The following PHF24 variants were observed in gnomAD, a reference collection of about 807,000 sequenced individuals.
The protein encoded by PHF24 is PHD finger protein 24, also known as Galpha inhibitory interacting protein.
A neutral mutation model predicts 42.6 loss-of-function variants in PHF24; 25 were observed. The ratio of observed to expected loss-of-function variants is 0.59; its 90% CI spans 0.43 to 0.82. The LOEUF (loss-of-function observed/expected upper bound fraction) is 0.82, where lower values mean the gene tolerates loss of function less well. Among genes scored for constraint, PHF24 ranks in the 40% least tolerant of loss-of-function variants. The pLI, the probability that PHF24 is intolerant of heterozygous loss-of-function variation, is 0.00. For synonymous variants in PHF24, 185 were observed against 204.8 expected (o/e 0.90, Z 0.83); for missense variants, 470 against 538.1 (o/e 0.87, Z 1.25).
At chr9:34,864,289 G>A in the PHF24 span, among the ~76,000 whole-genome samples, 7 of 152,148 alleles carry the variant, frequency 4.6e-5, no homozygotes, top group Non-Finnish European at 8.8e-5. Flanking sequence ...CGATATCTAA[G>A]TACAAGAAGG....
chr9:34,930,101 A>G, the PHF24 span, among the ~76,000 whole-genome samples: 1 of 152,174 alleles, frequency 6.6e-6, no homozygotes, highest in Non-Finnish European at 1.5e-5. Flanking sequence ...TAAAATAGAG[A>G]AGAAAAATTG....
the PHF24 span, among the ~76,000 whole-genome samples, chr9:34,844,071 ATTTG>A: frequency 2.0e-5 from 3 of 151,846 alleles, no homozygotes; most frequent in Non-Finnish European, 4.4e-5. Flanking sequence ...AGGTTATTTA[ATTTG>A]TTTGTGAATA....
the PHF24 span, chr9:34,724,253 G>A: frequency 1.9e-6 from 3 of 1,551,532 alleles, no homozygotes; most frequent in South Asian, 1.2e-5. Flanking sequence ...ACTGGGCTGT[G>A]AGATCTTGGA....
chr9:34,706,495 G>T, the PHF24 span, among the ~76,000 whole-genome samples: 14 of 152,298 alleles, frequency 9.2e-5, no homozygotes, highest in East Asian at 2.5e-3. Context: ...AACTGTGAGT[G>T]TGTATTATGT....
the PHF24 span, among the ~76,000 whole-genome samples, chr9:34,773,366 G>A: frequency 6.6e-6 from 1 of 151,934 alleles, no homozygotes; most frequent in Non-Finnish European, 1.5e-5. Context: ...TTTAGGACTG[G>A]GTCAGAAAAC....
At chr9:34,726,996 G>A in the PHF24 span, 1 of 1,542,420 alleles carries the variant, frequency 6.5e-7, no homozygotes, top group Non-Finnish European at 8.8e-7. Flanking sequence ...TGGCTAGGAA[G>A]GGAAACACGG....
the PHF24 span, among the ~76,000 whole-genome samples, chr9:34,696,519 G>A: frequency 2.2e-3 from 331 of 150,484 alleles, 2 homozygotes; most frequent in African/African-American, 7.9e-3. Flanking sequence ...TTTAGACCAG[G>A]AACTTCTAAC....
At chr9:34,880,460 C>G in the PHF24 span, among the ~76,000 whole-genome samples, 1 of 151,986 alleles carries the variant, frequency 6.6e-6, no homozygotes, top group Non-Finnish European at 1.5e-5. Flanking sequence ...TTCAGGAAAC[C>G]CATCTCATGT....
chr9:34,748,332 A>G, the PHF24 span, among the ~76,000 whole-genome samples: 295 of 152,260 alleles, frequency 1.9e-3, no homozygotes, highest in African/African-American at 6.9e-3. Flanking sequence ...CTCCAGTGTT[A>G]GAAGTGGGGC....
At chr9:34,708,252 G>A in the PHF24 span, among the ~76,000 whole-genome samples, 2 of 152,092 alleles carry the variant, frequency 1.3e-5, no homozygotes, top group Non-Finnish European at 2.9e-5. Context: ...CCTGCCCCAG[G>A]AGACTTATTC....
chr9:34,848,760 A>T, the PHF24 span, among the ~76,000 whole-genome samples: 2 of 150,462 alleles, frequency 1.3e-5, no homozygotes. Flanking sequence ...TTCCCTCTAC[A>T]CACTGCTTTG....
chr9:34,964,141 A>G (rs1248350588), intron 1 of PHF24, among the ~76,000 whole-genome samples: 1 of 152,008 alleles, frequency 6.6e-6, no homozygotes, highest in African/African-American at 2.4e-5. Flanking sequence ...TGCTCAACCT[A>G]TTCTCTTTGG....
the PHF24 span, among the ~76,000 whole-genome samples, chr9:34,918,636 T>C: frequency 6.6e-6 from 1 of 152,310 alleles, no homozygotes; most frequent in African/African-American, 2.4e-5. Flanking sequence ...AAGTTTTCTT[T>C]AGAAAAACAC....
the PHF24 span, chr9:34,729,243 T>C: frequency 1.3e-6 from 2 of 1,536,338 alleles, no homozygotes; most frequent in Non-Finnish European, 1.8e-6. Context: ...ATAGGCTTCT[T>C]ATCTGAGGCT....
At chr9:34,829,389 G>C in the PHF24 span, among the ~76,000 whole-genome samples, 3 of 152,322 alleles carry the variant, frequency 2.0e-5, no homozygotes, top group South Asian at 6.2e-4. Flanking sequence ...TTGAACCTAT[G>C]AGACTATCTA....
the PHF24 span, among the ~76,000 whole-genome samples, chr9:34,809,340 T>C: frequency 1.4e-3 from 219 of 152,372 alleles, 1 homozygote; most frequent in Non-Finnish European, 2.6e-3. The surrounding 1 kb of genome is among the most constrained non-coding windows in gnomAD (Gnocchi z 4.1). Context: ...AGTGGCTTAA[T>C]TATTTTTGAT....
the PHF24 span, among the ~76,000 whole-genome samples, chr9:34,936,274 T>C: frequency 1.7e-3 from 252 of 152,350 alleles, no homozygotes; most frequent in African/African-American, 5.2e-3. Flanking sequence ...TTTCGCTGTG[T>C]TCGCCGGGCT....
the PHF24 span, among the ~76,000 whole-genome samples, chr9:34,860,117 C>T: frequency 6.6e-6 from 1 of 152,212 alleles, no homozygotes; most frequent in Admixed American, 6.5e-5. Flanking sequence ...TGAGTTTCCC[C>T]TCCTTGCACC....
At chr9:34,973,193 C>G (rs1171826283) in intron 3 of PHF24, among the ~76,000 whole-genome samples, 1 of 152,106 alleles carries the variant, frequency 6.6e-6, no homozygotes, top group Non-Finnish European at 1.5e-5. Flanking sequence ...TGGAGCAGTT[C>G]TTTCTCTAAT....
Sources: allele counts gnomAD v4.1 joint callset (sites outside exome capture counted in the v4.1 genomes callset), GRCh38; gene constraint gnomAD v4.1.1; non-coding constraint Gnocchi (gnomAD v3.1); transcripts MANE v1.5; gene names NCBI Gene and HGNC (gene_info 2026-07-23, HGNC 2026-07-21).